The following MLLT3 variants were observed in gnomAD, a reference collection of about 807,000 sequenced individuals.
MLLT3 encodes protein AF-9.
Under a neutral mutation model 53.2 loss-of-function variants are expected in MLLT3, and 4 were observed. That is an observed-to-expected ratio of 0.08 (90% confidence interval 0.04 to 0.17). MLLT3 has a LOEUF of 0.17. Ranked by LOEUF, MLLT3 falls within the 10% of genes least tolerant of loss-of-function variation. The probability of loss-of-function intolerance (pLI) is 1.00; values close to 1 mark genes in which losing one functional copy is unlikely to be tolerated. For synonymous variants in MLLT3, 283 were observed against 230.6 expected (o/e 1.23, Z -2.06); for missense variants, 569 against 684.0 (o/e 0.83, Z 1.87).
chr9:20,361,480 G>A (rs1376164146), intron 7 of MLLT3, among the ~76,000 whole-genome samples: 1 of 152,126 alleles, frequency 6.6e-6, no homozygotes, highest in African/African-American at 2.4e-5. Flanking sequence ...CGGCATGCTA[G>A]GACCATTACC....
intron 2 of MLLT3, among the ~76,000 whole-genome samples, chr9:20,506,316 C>G (rs1261487650): frequency 1.3e-5 from 2 of 152,186 alleles, no homozygotes; most frequent in African/African-American, 4.8e-5. Flanking sequence ...GCTGGGATTA[C>G]AGGCGTGAGC....
chr9:20,365,772 C>A lies in MLLT3; in HGVS notation c.1126-28G>T, dbSNP rs1418197965. 1.9e-6 allele frequency: 3 copies of A among 1,612,434 alleles called. No homozygotes were observed. In the Admixed American group the frequency reaches 5.0e-5, roughly 27 times the overall value. ...TTAAAGAAGAATAAAAAGGCACCAT[C>A]AATAAATTTACGGGATACCACACAT... On this transcript the variant is annotated intron_variant, in intron 5 of 10. Transcript: ENST00000380338.
intron 2 of MLLT3, among the ~76,000 whole-genome samples, chr9:20,600,264 T>C (rs1467580773): frequency 2.0e-5 from 3 of 152,216 alleles, no homozygotes; most frequent in African/African-American, 7.2e-5. Context: ...TGTGCTGTTA[T>C]TGTGTTTGTG....
At chr9:20,516,316 C>T (rs962026503) in intron 2 of MLLT3, among the ~76,000 whole-genome samples, 7 of 152,158 alleles carry the variant, frequency 4.6e-5, no homozygotes, top group African/African-American at 1.7e-4. Flanking sequence ...TGATAGGCAG[C>T]CTCACAAAAA....
At chr9:20,347,017 AAATCATTTTCCTTTATCATTAT>A (rs774521992) in intron 10 of MLLT3, among the ~76,000 whole-genome samples, 55 of 151,462 alleles carry the variant, frequency 3.6e-4, no homozygotes, top group Non-Finnish European at 6.8e-4. Context: ...CCCCTATATA[AAATCATTTTCCTTTATCATTAT>A]ATAATTGTTA....
chr9:20,465,099 G>T (rs1563976129), intron 2 of MLLT3, among the ~76,000 whole-genome samples: 1 of 151,812 alleles, frequency 6.6e-6, no homozygotes, highest in Non-Finnish European at 1.5e-5. Context: ...TGTGGACTAA[G>T]GAATACCAAA....
At chr9:20,363,420 CT>C (rs1821373249) in intron 7 of MLLT3, 55 bp downstream of exon 7, 14 of 1,599,914 alleles carry the variant, frequency 8.8e-6, no homozygotes, top group Non-Finnish European at 1.2e-5. Flanking sequence ...CCCAGCAGGG[CT>C]TGTGAAAGAG....
chr9:20,530,115 T>A (rs1352691408), intron 2 of MLLT3, among the ~76,000 whole-genome samples: 1 of 152,196 alleles, frequency 6.6e-6, no homozygotes, highest in African/African-American at 2.4e-5. Context: ...TAAATGTTAA[T>A]GCTTGTTAAT....
In MLLT3 at chr9:20,525,996, G is replaced by C. The variant is rs1296434617; in HGVS notation, c.194-69210C>G. Among the ~76,000 whole-genome samples the C allele has an allele frequency of 2.0e-5, 3 of 152,260 alleles. No individual in the cohort carries two copies. In the East Asian group the frequency reaches 5.8e-4, roughly 29 times the overall value. On this transcript the variant is annotated intron_variant, in intron 2 of 10. Coordinates refer to ENST00000380338, the MANE Select transcript of MLLT3 (RefSeq NM_004529.4). ...GCTTGGAGTTTGACAAGGTAGAAAG[G>C]GTGGTGGGAAGCATTGCTTTGGAGA... is the stretch of plus-strand genomic sequence containing the variant.
intron 2 of MLLT3, among the ~76,000 whole-genome samples, chr9:20,513,052 T>A (rs541709470): frequency 3.9e-5 from 6 of 152,382 alleles, no homozygotes; most frequent in African/African-American, 1.4e-4. Context: ...TGGGGGTATC[T>A]CTCTGGAGAG....
intron 2 of MLLT3, among the ~76,000 whole-genome samples, chr9:20,467,689 C>T (rs372429027): frequency 1.5e-4 from 23 of 152,206 alleles, no homozygotes; most frequent in South Asian, 4.1e-4. Context: ...CCAAATAATG[C>T]GCAAAGCATA....
chr9:20,414,363 GCTGCTGCTGCTGCTA>G lies in MLLT3; in HGVS notation c.468_482del (p.Ser186_Ser190del), dbSNP rs1463014635. ...TGCTGCTACTGCTGCTGCTGCTGCT[GCTGCTGCTGCTGCTA>G]CTGCTGCTGCTGCTGCTGCTGCTGG... On this transcript the variant is annotated inframe_deletion, in exon 5 of 11. Coordinates refer to ENST00000380338, the MANE Select transcript of MLLT3 (RefSeq NM_004529.4). 6.4e-5 allele frequency: 102 copies of G among 1,604,536 alleles called. No homozygotes were observed. The highest frequency in any genetic ancestry group is 1.8e-4 in the Middle Eastern group (1 of 5,502).
At chr9:20,459,348 C>T (rs1346376965) in intron 2 of MLLT3, among the ~76,000 whole-genome samples, 2 of 152,206 alleles carry the variant, frequency 1.3e-5, no homozygotes, top group Non-Finnish European at 2.9e-5. Context: ...CTTGCATTCA[C>T]TGACCACCTG....
chr9:20,615,059 A>G (rs897939374), intron 2 of MLLT3, among the ~76,000 whole-genome samples: 1 of 152,166 alleles, frequency 6.6e-6, no homozygotes, highest in East Asian at 1.9e-4. Context: ...ATGGACAGTG[A>G]TAGGCCGGGC....
At chr9:20,392,731 G>A (rs898881372) in intron 5 of MLLT3, among the ~76,000 whole-genome samples, 2 of 152,062 alleles carry the variant, frequency 1.3e-5, no homozygotes, top group African/African-American at 4.8e-5. Flanking sequence ...ATAACAAATA[G>A]GACAGGACAA....
chr9:20,503,829 T>C (rs1244976335), intron 2 of MLLT3, among the ~76,000 whole-genome samples: 2 of 152,038 alleles, frequency 1.3e-5, no homozygotes, highest in South Asian at 2.1e-4. Flanking sequence ...ATCCAAAATA[T>C]ATGAGGAACT....
rs115593055 is a variant in MLLT3 at position 20,522,591 on chromosome 9, C to T, written c.194-65805G>A. 4.7e-3 allele frequency among the ~76,000 whole-genome samples: 719 copies of T among 152,044 alleles called. 4 individuals are homozygous for T. Among genetic ancestry groups the T allele is most frequent in the African/African-American group, 0.015 (633 of 41,470 alleles). ...AAGGAAGAGCTTACTGCCCAGTATG[C>T]GCTTGGAGGGGAGGGTGGATACAGA... On this transcript the variant is annotated intron_variant, in intron 2 of 10. Transcript: ENST00000380338.
chr9:20,416,213 G>GT (rs1213976036), intron 4 of MLLT3, among the ~76,000 whole-genome samples: 1 of 151,714 alleles, frequency 6.6e-6, no homozygotes, highest in South Asian at 2.1e-4. Flanking sequence ...ATATCCTTGA[G>GT]TTTTTTTCAA....
chr9:20,409,777 T>G (rs1313527941), intron 5 of MLLT3, among the ~76,000 whole-genome samples: 2 of 152,226 alleles, frequency 1.3e-5, no homozygotes, highest in Admixed American at 6.5e-5. Context: ...TGACAAACTT[T>G]CATGTGACAG....
Sources: allele counts gnomAD v4.1 joint callset (sites outside exome capture counted in the v4.1 genomes callset), GRCh38; gene constraint gnomAD v4.1.1; transcripts MANE v1.5; gene names NCBI Gene and HGNC (gene_info 2026-07-23, HGNC 2026-07-21).